Variants in EDA observed in about 807,000 individuals in gnomAD.
EDA encodes ectodysplasin-A.
In EDA, 2 loss-of-function variants were observed where a neutral mutation model predicts 23.6. The ratio of observed to expected loss-of-function variants is 0.08; its 90% CI spans 0.03 to 0.27. The LOEUF is 0.27. Among genes scored for constraint, EDA ranks in the 10% least tolerant of loss-of-function variants. The probability of loss-of-function intolerance (pLI) is 1.00; values close to 1 mark genes in which losing one functional copy is unlikely to be tolerated. For missense variants in EDA, 229 were observed against 324.2 expected, an observed-to-expected ratio of 0.71 and a Z score of 2.26; for synonymous variants, 131 against 132.0, an observed-to-expected ratio of 0.99 and a Z score of 0.05.
At chrX:69,776,414 CAA>C (rs1294800438) in intron 1 of EDA, among the ~76,000 whole-genome samples, 4 of 111,107 alleles carry the variant, frequency 3.6e-5, no homozygotes, top group African/African-American at 1.3e-4. Flanking sequence ...GAATAAGTCT[CAA>C]GAGATCTGAT....
intron 1 of EDA, among the ~76,000 whole-genome samples, chrX:69,769,197 T>G (rs2014556606): frequency 8.9e-6 from 1 of 111,733 alleles, no homozygotes; most frequent in African/African-American, 3.2e-5. Flanking sequence ...ACTTGGTTGA[T>G]AGTGTTTGCA....
chrX:70,023,314 G>C, intron 3 of EDA, 73 bp downstream of exon 3: 1 of 698,992 alleles, frequency 1.4e-6, no homozygotes, highest in Non-Finnish European at 2.2e-6. Flanking sequence ...AATCAAGAGT[G>C]CGATTTTTGT....
chrX:69,854,231 T>C (rs1436958619), intron 1 of EDA, among the ~76,000 whole-genome samples: 2 of 111,097 alleles, frequency 1.8e-5, no homozygotes, highest in East Asian at 2.8e-4. Flanking sequence ...TCTCACTCTG[T>C]CGCCCAGGCT....
chrX:69,992,129 G>A (rs2019596668), intron 2 of EDA, among the ~76,000 whole-genome samples: 2 of 111,983 alleles, frequency 1.8e-5, no homozygotes, highest in Non-Finnish European at 3.8e-5. Context: ...GTCTATGCAT[G>A]TTGGTGATTC....
intron 1 of EDA, among the ~76,000 whole-genome samples, chrX:69,722,319 C>T (rs1258791905): frequency 1.8e-5 from 2 of 109,714 alleles, no homozygotes; most frequent in African/African-American, 6.6e-5. Context: ...CATTCTCCTG[C>T]CTCAGCCTCC....
chrX:69,914,225 C>T (rs1488017891), intron 1 of EDA, among the ~76,000 whole-genome samples: 3 of 111,840 alleles, frequency 2.7e-5, no homozygotes, highest in Non-Finnish European at 5.6e-5. Context: ...ATTAAAGCTA[C>T]TGTCAGATCA....
At chrX:69,987,537 G>A (rs1210683307) in intron 2 of EDA, among the ~76,000 whole-genome samples, 3 of 108,990 alleles carry the variant, frequency 2.8e-5, no homozygotes, top group African/African-American at 1.0e-4. Flanking sequence ...ATCCCAGACA[G>A]GGCACTACAG....
intron 1 of EDA, among the ~76,000 whole-genome samples, chrX:69,880,982 A>G (rs2017736797): frequency 9.0e-6 from 1 of 110,933 alleles, no homozygotes; most frequent in Non-Finnish European, 1.9e-5. Context: ...TATTTGGGCA[A>G]CTCTAACTTC....
chrX:69,746,714 G>C (rs756566889), intron 1 of EDA, among the ~76,000 whole-genome samples: 1 of 110,922 alleles, frequency 9.0e-6, no homozygotes, highest in African/African-American at 3.3e-5. Flanking sequence ...TCTGGTAAAA[G>C]GGATTCCTAC....
rs1049872338 is a variant in EDA at position 69,645,005 on chromosome X, A to G, written c.396+28301A>G. On this transcript the variant is annotated intron_variant, in intron 1 of 7. Transcript: ENST00000374552. ...GATGAACTTTTTGATGTGCTACTGT[A>G]TTTTATTGAGGATTTTTGCATTGAT... is the stretch of plus-strand genomic sequence containing the variant. Among the ~76,000 whole-genome samples, 5 of 111,428 alleles carry G rather than the reference A, an allele frequency of 4.5e-5. No individual in the cohort carries two copies. In the East Asian group the frequency reaches 1.4e-3, roughly 32 times the overall value.
At chrX:69,970,489 G>A (rs1294128360) in intron 2 of EDA, among the ~76,000 whole-genome samples, 2 of 110,778 alleles carry the variant, frequency 1.8e-5, no homozygotes, top group African/African-American at 6.5e-5. Context: ...TTTTTTTCAA[G>A]CACCTTAATC....
chrX:69,681,739 G>A (rs1472348164), intron 1 of EDA, among the ~76,000 whole-genome samples: 1 of 110,359 alleles, frequency 9.1e-6, no homozygotes, highest in Non-Finnish European at 1.9e-5. Flanking sequence ...TTTTTTCAAA[G>A]TTTTCAACTT....
At chrX:69,831,151 G>A (rs1017788637) in intron 1 of EDA, among the ~76,000 whole-genome samples, 2 of 111,026 alleles carry the variant, frequency 1.8e-5, no homozygotes, top group African/African-American at 6.6e-5. Context: ...TGCCATCTTG[G>A]TTTGCTGCAC....
intron 2 of EDA, among the ~76,000 whole-genome samples, chrX:69,958,283 C>T (rs1329287626): frequency 8.9e-6 from 1 of 112,062 alleles, no homozygotes; most frequent in Non-Finnish European, 1.9e-5. Context: ...TGTCTGGCTA[C>T]ATCTGCCAAT....
chrX:69,780,301 C>T (rs980927017), intron 1 of EDA, among the ~76,000 whole-genome samples: 4 of 111,523 alleles, frequency 3.6e-5, no homozygotes, highest in African/African-American at 1.3e-4. Context: ...TGCTCTCAGG[C>T]CAAATCCAGC....
chrX:69,698,904 G>A (rs751064875), intron 1 of EDA, among the ~76,000 whole-genome samples: 1 of 111,559 alleles, frequency 9.0e-6, no homozygotes, highest in East Asian at 2.8e-4. Flanking sequence ...GAGAGTTTGT[G>A]TGACGACATT....
chrX:69,826,158 A>C (rs1453860748), intron 1 of EDA, among the ~76,000 whole-genome samples: 1 of 111,843 alleles, frequency 8.9e-6, no homozygotes, highest in East Asian at 2.8e-4. Flanking sequence ...TGTGGTGCTG[A>C]GAAGAATGTA....
Position 69,937,700 on chromosome X carries a change from G to A in EDA, c.397-19327G>A, listed in dbSNP as rs1211786822. ...GCTCTATAGAGTTCTGGGCATACAT[G>A]TCCTCTGTCAAATTAAATTTAAAAT... On this transcript the variant is annotated intron_variant, in intron 1 of 7. Transcript: ENST00000374552. The A allele has an allele frequency of 6.1e-6, 7 of 1,146,165 alleles. No individual in the cohort carries two copies. The African/African-American group carries it at 1.1e-4, about 18-fold the overall frequency. 94.5% of individuals were successfully genotyped at this position (1,146,165 alleles called of 1,213,427 possible).
intron 1 of EDA, among the ~76,000 whole-genome samples, chrX:69,783,974 G>A (rs1445989298): frequency 9.3e-6 from 1 of 107,323 alleles, no homozygotes; most frequent in Non-Finnish European, 1.9e-5. Flanking sequence ...ACTTTTTAAT[G>A]ATTGCCATTC....
Sources: gnomAD v4.1 joint callset for allele counts (sites outside exome capture counted in the v4.1 genomes callset) on GRCh38, gnomAD v4.1.1 for gene constraint, MANE v1.5 for transcripts, NCBI Gene and HGNC (gene_info 2026-07-23, HGNC 2026-07-21) for gene names.